MACROD2: variants seen among roughly 807,000 people sequenced by gnomAD.
MACROD2 encodes the protein ADP-ribose glycohydrolase MACROD2.
In MACROD2, 36 loss-of-function variants were observed where a neutral mutation model predicts 70.4. The ratio of observed to expected loss-of-function variants is 0.51; its 90% CI spans 0.39 to 0.68. The LOEUF (loss-of-function observed/expected upper bound fraction) is 0.68, where lower values mean the gene tolerates loss of function less well. MACROD2 is among the 30% of genes least tolerant of loss of function. The pLI, the probability that MACROD2 is intolerant of heterozygous loss-of-function variation, is 0.00. For missense variants in MACROD2, 496 were observed against 538.4 expected (o/e 0.92, Z 0.78); for synonymous variants, 172 against 178.8 (o/e 0.96, Z 0.30).
chr20:15,821,589 T>C (rs2063938601), intron 8 of MACROD2, among the ~76,000 whole-genome samples: 1 of 152,222 alleles, frequency 6.6e-6, no homozygotes, highest in Non-Finnish European at 1.5e-5. Context: ...GTGGGCTCCA[T>C]GTCTGTAGAT....
intron 4 of MACROD2, among the ~76,000 whole-genome samples, chr20:14,505,405 C>A (rs961845067): frequency 7.2e-5 from 11 of 152,034 alleles, no homozygotes; most frequent in African/African-American, 2.7e-4. Flanking sequence ...CTGTTTTTGG[C>A]CTAAAAATTT....
intron 3 of MACROD2, among the ~76,000 whole-genome samples, chr20:14,245,561 C>T (rs974207206): frequency 5.3e-5 from 8 of 152,046 alleles, no homozygotes; most frequent in Non-Finnish European, 1.0e-4. Flanking sequence ...TGAGGAACTC[C>T]CAATCCATTG....
At chr20:15,073,424 A>T (rs1040689168) in intron 5 of MACROD2, among the ~76,000 whole-genome samples, 13 of 151,774 alleles carry the variant, frequency 8.6e-5, no homozygotes, top group African/African-American at 3.1e-4. Context: ...TTTTCTATAA[A>T]CCCAAAGACT....
intron 3 of MACROD2, among the ~76,000 whole-genome samples, chr20:14,372,055 TC>T (rs1378435331): frequency 2.0e-5 from 3 of 152,086 alleles, no homozygotes; most frequent in Non-Finnish European, 4.4e-5. Flanking sequence ...GTTTTCCTGG[TC>T]CGTGAGGGCA....
chr20:14,206,890 T>C (rs1275051419), intron 3 of MACROD2, among the ~76,000 whole-genome samples: 3 of 152,102 alleles, frequency 2.0e-5, no homozygotes, highest in Non-Finnish European at 2.9e-5. Context: ...ACTGAGTACA[T>C]TGCATACAAG....
intron 4 of MACROD2, among the ~76,000 whole-genome samples, chr20:14,679,386 A>C (rs2070902350): frequency 6.6e-6 from 1 of 152,082 alleles, no homozygotes; most frequent in Non-Finnish European, 1.5e-5. Context: ...CAGCAAGGTC[A>C]TGGGTGTGGC....
At chr20:14,875,640 T>G (rs1257637833) in intron 5 of MACROD2, among the ~76,000 whole-genome samples, 2 of 152,060 alleles carry the variant, frequency 1.3e-5, no homozygotes, top group African/African-American at 2.4e-5. Context: ...CTCTTCTTTT[T>G]CTCCCCTCTC....
chr20:14,611,383 G>C (rs1318952416), intron 4 of MACROD2, among the ~76,000 whole-genome samples: 2 of 150,752 alleles, frequency 1.3e-5, no homozygotes, highest in African/African-American at 4.9e-5. Flanking sequence ...CAAGTTTACT[G>C]GTTATTAAAT....
At chr20:14,692,573 G>A (rs772933455) in intron 5 of MACROD2, among the ~76,000 whole-genome samples, 20 of 152,272 alleles carry the variant, frequency 1.3e-4, no homozygotes, top group African/African-American at 4.8e-4. Context: ...CTTAATGAAA[G>A]CATTGTTTTT....
chr20:15,967,857 A>G (rs1373401068), intron 13 of MACROD2, among the ~76,000 whole-genome samples: 2 of 152,020 alleles, frequency 1.3e-5, no homozygotes, highest in African/African-American at 4.8e-5. Context: ...GGCTTCATTT[A>G]TTTTGTTTAT....
intron 13 of MACROD2, among the ~76,000 whole-genome samples, chr20:15,984,750 A>T (rs1389924995): frequency 6.6e-6 from 1 of 152,072 alleles, no homozygotes; most frequent in East Asian, 1.9e-4. Flanking sequence ...CTTTTAGCAA[A>T]CTTCACTTTT....
At chr20:14,697,226 A>C (rs904329745) in intron 5 of MACROD2, among the ~76,000 whole-genome samples, 6 of 152,186 alleles carry the variant, frequency 3.9e-5, no homozygotes, top group Non-Finnish European at 8.8e-5. Context: ...GATATGTCCT[A>C]CCTATTGTTT....
At chr20:15,728,659 C>G (rs1005114705) in intron 8 of MACROD2, among the ~76,000 whole-genome samples, 1 of 152,096 alleles carries the variant, frequency 6.6e-6, no homozygotes, top group Non-Finnish European at 1.5e-5. Flanking sequence ...TTATCCATTT[C>G]TTCTAGGTTT....
intron 3 of MACROD2, among the ~76,000 whole-genome samples, chr20:14,242,556 T>G (rs1004838697): frequency 6.6e-6 from 1 of 152,166 alleles, no homozygotes; most frequent in Non-Finnish European, 1.5e-5. Context: ...GAAATTTTAT[T>G]TATTTGAATT....
chr20:14,565,871 G>A (rs1353408662), intron 4 of MACROD2, among the ~76,000 whole-genome samples: 12 of 151,788 alleles, frequency 7.9e-5, no homozygotes, highest in Admixed American at 7.9e-4. Context: ...ACAGAGTTTA[G>A]TTCCTTCCTT....
chr20:15,049,667 A>T (rs917350258), intron 5 of MACROD2, among the ~76,000 whole-genome samples: 2 of 152,010 alleles, frequency 1.3e-5, no homozygotes, highest in Non-Finnish European at 2.9e-5. Context: ...TAGCTACATG[A>T]CCGGGTGCGT....
chr20:14,493,230 T>G (rs551460060), intron 3 of MACROD2, among the ~76,000 whole-genome samples: 3 of 151,942 alleles, frequency 2.0e-5, no homozygotes, highest in African/African-American at 7.2e-5. Flanking sequence ...GTGCTTAATT[T>G]TATTAGAAGG....
intron 5 of MACROD2, among the ~76,000 whole-genome samples, chr20:14,722,348 A>G (rs973811914): frequency 3.3e-5 from 5 of 152,182 alleles, no homozygotes; most frequent in Non-Finnish European, 7.3e-5. Context: ...GGGATGAGGT[A>G]AAGAATTGAG....
At chr20:14,737,095 C>A (rs1023417141) in intron 5 of MACROD2, among the ~76,000 whole-genome samples, 2 of 152,088 alleles carry the variant, frequency 1.3e-5, no homozygotes, top group East Asian at 1.9e-4. Context: ...CTAATGCTAT[C>A]CTTCCCCTAG....
Sources: gnomAD v4.1 joint callset for allele counts (sites outside exome capture counted in the v4.1 genomes callset) on GRCh38, gnomAD v4.1.1 for gene constraint, MANE v1.5 for transcripts, NCBI Gene and HGNC (gene_info 2026-07-23, HGNC 2026-07-21) for gene names.